The following BCAS3 variants were observed in gnomAD, a reference collection of about 807,000 sequenced individuals.
The protein encoded by BCAS3 is BCAS3 microtubule associated cell migration factor.
BCAS3 carries 53 observed loss-of-function variants against 116.1 expected under a neutral mutation model. That is an observed-to-expected ratio of 0.46 (90% CI 0.37 to 0.57). BCAS3 has a LOEUF of 0.57. Among genes scored for constraint, BCAS3 ranks in the 20% least tolerant of loss-of-function variants. The probability of loss-of-function intolerance (pLI) is 0.00; values close to 1 mark genes in which losing one functional copy is unlikely to be tolerated. For synonymous variants in BCAS3, 391 were observed against 408.2 expected, an observed-to-expected ratio of 0.96 and a Z score of 0.51; for missense variants, 917 against 1,165.4, an observed-to-expected ratio of 0.79 and a Z score of 3.10.
At position 61,344,809 on chromosome 17, in the gene BCAS3, G is replaced by A. The variant is rs2057399494; in HGVS notation, c.2426-23518G>A. 6.6e-6 allele frequency among the ~76,000 whole-genome samples: 1 copy of A among 152,100 alleles called. No homozygotes were observed. The highest frequency in any genetic ancestry group is 2.4e-5 in the African/African-American group (1 of 41,394). On this transcript the variant is annotated intron_variant, in intron 22 of 23. Transcript: ENST00000407086. The surrounding 1 kb of genome is among the most constrained non-coding windows in gnomAD (Gnocchi z 4.1). ...AGAGATGAGCCATGGGAAGCCAGCA[G>A]GGCCCAGGTCATTAAGTAAGGGACA... is the stretch of plus-strand genomic sequence containing the variant.
In BCAS3 at chr17:61,088,655, T is replaced by C. The variant is rs1436081696; in HGVS notation, c.2425+4091T>C. ...AAGGCTATACCTAATAGATAACCTTTCCTTGCTTCTGAGTCATCAAATCAA... is the reference window on the plus strand; with the variant it reads ...AAGGCTATACCTAATAGATAACCTTCCCTTGCTTCTGAGTCATCAAATCAA... On this transcript the variant is annotated intron_variant, in intron 22 of 23. Transcript: ENST00000407086. This position sits in a 1 kb window ranked among gnomAD's most constrained non-coding sequence, Gnocchi z 4.2. Among the ~76,000 whole-genome samples the C allele has an allele frequency of 1.3e-5, 2 of 152,216 alleles. No homozygotes were observed. Among genetic ancestry groups the C allele is most frequent in the African/African-American group, 4.8e-5 (2 of 41,450 alleles).
rs546979604 is a variant in BCAS3, at chr17:60,843,295, C to G, written c.477-25281C>G. On this transcript the variant is annotated intron_variant, in intron 7 of 23. Coordinates refer to ENST00000407086, the MANE Select transcript of BCAS3 (RefSeq NM_017679.5). ...GCAGTGGCACGATCTCGGCTCCCTG[C>G]AACCTCTGCTTCCCGTGTTCAAGCG... Among the ~76,000 whole-genome samples the G allele has an allele frequency of 2.1e-3, 321 of 151,604 alleles. 1 individual carries two copies. The highest frequency in any genetic ancestry group is 3.7e-3 in the Non-Finnish European group (250 of 67,914).
rs915716532 is a variant in BCAS3, at chr17:61,224,953, A to C, written c.2425+140389A>C. Among the ~76,000 whole-genome samples the C allele has an allele frequency of 2.0e-5, 3 of 152,200 alleles. No homozygotes were observed. Among genetic ancestry groups the C allele is most frequent in the African/African-American group, 7.2e-5 (3 of 41,444 alleles). On this transcript the variant is annotated intron_variant, in intron 22 of 23. Coordinates refer to ENST00000407086, the MANE Select transcript of BCAS3 (RefSeq NM_017679.5). This position sits in a 1 kb window ranked among gnomAD's most constrained non-coding sequence, Gnocchi z 5.7. ...TTCTCCTGTCTTTGGTTTTATGCAC[A>C]CAAAGAGAGAAACATTAGGATTGAA...
intron 14 of BCAS3, among the ~76,000 whole-genome samples, chr17:60,975,470 A>G (rs2062277544): frequency 1.3e-5 from 2 of 152,242 alleles, no homozygotes; most frequent in Admixed American, 1.3e-4. Flanking sequence ...AACTATAAAA[A>G]GAGGCTATAG....
chr17:60,896,341 C>T (rs562678110), intron 10 of BCAS3, among the ~76,000 whole-genome samples: 1 of 152,200 alleles, frequency 6.6e-6, no homozygotes, highest in South Asian at 2.1e-4. Context: ...AAATAAAGTC[C>T]AGTTTAAATC....
At chr17:60,699,074 GAACA>G (rs1248873343) in intron 4 of BCAS3, among the ~76,000 whole-genome samples, 5 of 151,562 alleles carry the variant, frequency 3.3e-5, no homozygotes, top group Admixed American at 3.3e-4. Context: ...AACAAAAACA[GAACA>G]AAAAACAAAA....
At position 61,056,662 on chromosome 17, in the gene BCAS3, G is replaced by T. The variant is rs1320361998; in HGVS notation, c.2029+15770G>T. ...ATTAAAAATACATGAGCTACACAGA[G>T]ATTTGAAGAAACTCAGTTTATTACA... On this transcript the variant is annotated intron_variant, in intron 19 of 23. Transcript: ENST00000407086. This position sits in a 1 kb window ranked among gnomAD's most constrained non-coding sequence, Gnocchi z 4.9. Among the ~76,000 whole-genome samples the T allele has an allele frequency of 6.6e-6, 1 of 152,098 alleles. No individual in the cohort carries two copies. The highest frequency in any genetic ancestry group is 2.4e-5 in the African/African-American group (1 of 41,414).
At chr17:61,010,677 AAATTCTGATTTTTAAAT>A (rs1379167002) in intron 15 of BCAS3, among the ~76,000 whole-genome samples, 1 of 152,030 alleles carries the variant, frequency 6.6e-6, no homozygotes, top group Non-Finnish European at 1.5e-5. Context: ...GATGTTTTAA[AAATTCTGATTTTTAAAT>A]AATTTTGTAT....
chr17:60,683,094 T>A lies in BCAS3; in HGVS notation c.84-888T>A, dbSNP rs190016402. Among the ~76,000 whole-genome samples, 285 of 152,272 alleles carry A rather than the reference T, an allele frequency of 1.9e-3. 1 individual carries two copies. Among genetic ancestry groups the A allele is most frequent in the African/African-American group, 6.3e-3 (262 of 41,554 alleles). On this transcript the variant is annotated intron_variant, in intron 2 of 23. Transcript: ENST00000407086. ...TTTCCCTCATTTTTATGCATTTTAA[T>A]TTTTTTCCATGTCTTTTCTATACCA...
Position 61,203,083 on chromosome 17 carries a change from A to C in BCAS3, c.2425+118519A>C, listed in dbSNP as rs2080932223. Among the ~76,000 whole-genome samples, 1 of 152,106 alleles carries C rather than the reference A, an allele frequency of 6.6e-6. No individual in the cohort carries two copies. On this transcript the variant is annotated intron_variant, in intron 22 of 23. Coordinates refer to ENST00000407086, the MANE Select transcript of BCAS3 (RefSeq NM_017679.5). The surrounding 1 kb of genome is among the most constrained non-coding windows in gnomAD (Gnocchi z 5.7). The stretch of plus-strand genomic sequence containing the variant: ...CAAAAAAATTATTTAAGTTACATTA[A>C]ATTTTATTTATTTATGTGTAGCTCC...
At chr17:60,874,874 C>T (rs2055447125) in intron 9 of BCAS3, 136 bp downstream of exon 9, 5 of 539,674 alleles carry the variant, frequency 9.3e-6, no homozygotes, top group Non-Finnish European at 1.6e-5. Context: ...GATTCTGTGG[C>T]TATTCTCATT....
At chr17:60,770,496 G>A (rs943262465) in intron 6 of BCAS3, among the ~76,000 whole-genome samples, 6 of 131,522 alleles carry the variant, frequency 4.6e-5, no homozygotes, top group Non-Finnish European at 9.4e-5. Context: ...TCGGCTCACT[G>A]CAACCTCCGA....
intron 7 of BCAS3, among the ~76,000 whole-genome samples, chr17:60,848,513 A>AATAG (rs1181377751): frequency 6.6e-6 from 1 of 152,178 alleles, no homozygotes; most frequent in African/African-American, 2.4e-5. Flanking sequence ...ATTATCTGTG[A>AATAG]ATAGATACCT....
chr17:60,950,775 A>C (rs565488707), intron 14 of BCAS3, among the ~76,000 whole-genome samples: 154 of 152,346 alleles, frequency 1.0e-3, no homozygotes, highest in African/African-American at 3.4e-3. Context: ...ATGTCCATGT[A>C]GGTGGGTCAT....
At chr17:60,852,133 G>GT (rs1403356447) in intron 7 of BCAS3, among the ~76,000 whole-genome samples, 4 of 150,594 alleles carry the variant, frequency 2.7e-5, no homozygotes, top group African/African-American at 4.9e-5. Context: ...CTATTCCCGT[G>GT]GTTTTTTTTT....
chr17:60,959,297 C>A (rs978374239), intron 14 of BCAS3, among the ~76,000 whole-genome samples: 17 of 152,038 alleles, frequency 1.1e-4, no homozygotes, highest in Non-Finnish European at 2.4e-4. Context: ...ACAGAGCAAA[C>A]CCCTGTCTCA....
At chr17:60,718,715 G>A (rs1450459242) in intron 5 of BCAS3, among the ~76,000 whole-genome samples, 1 of 152,016 alleles carries the variant, frequency 6.6e-6, no homozygotes, top group Non-Finnish European at 1.5e-5. Context: ...ATGTTTCTTG[G>A]CCATTTATAT....
intron 6 of BCAS3, among the ~76,000 whole-genome samples, chr17:60,753,599 C>T (rs1446426768): frequency 3.9e-5 from 3 of 76,014 alleles, no homozygotes; most frequent in Admixed American, 1.8e-4. Context: ...TTAGTAGGGA[C>T]GGGGCTTCAC....
chr17:60,902,562 T>C, intron 10 of BCAS3, 58 bp from the exon 11 acceptor site: 1 of 1,368,536 alleles, frequency 7.3e-7, no homozygotes, highest in Non-Finnish European at 1.0e-6. Context: ...TGATAGCCTG[T>C]AGAGTTAAAC....
Sources: allele counts gnomAD v4.1 joint callset (sites outside exome capture counted in the v4.1 genomes callset), GRCh38; gene constraint gnomAD v4.1.1; non-coding constraint Gnocchi (gnomAD v3.1); transcripts MANE v1.5; gene names NCBI Gene and HGNC (gene_info 2026-07-23, HGNC 2026-07-21).